TP73: variants seen among roughly 807,000 people sequenced by gnomAD.
The protein encoded by TP73 is p53-like transcription factor.
A neutral mutation model predicts 62.5 loss-of-function variants in TP73; 25 were observed. The ratio of observed to expected loss-of-function variants is 0.40; its 90% CI spans 0.29 to 0.56. The LOEUF is 0.56. Ranked by LOEUF, TP73 falls within the 20% of genes least tolerant of loss-of-function variation. The probability of loss-of-function intolerance (pLI) is 0.46; values close to 1 mark genes in which losing one functional copy is unlikely to be tolerated. For synonymous variants in TP73, 423 were observed against 377.5 expected (o/e 1.12, Z -1.40); for missense variants, 754 against 913.3 (o/e 0.83, Z 2.25).
intron 1 of TP73, among the ~76,000 whole-genome samples, chr1:3,673,617 G>A (rs1231252183): frequency 6.6e-6 from 1 of 152,208 alleles, no homozygotes; most frequent in Admixed American, 6.6e-5. Flanking sequence ...TGCGTGGGCA[G>A]AGCAGGAGAG....
At chr1:3,711,499 T>G (rs1640138132) in intron 4 of TP73, among the ~76,000 whole-genome samples, 1 of 152,258 alleles carries the variant, frequency 6.6e-6, no homozygotes, top group Non-Finnish European at 1.5e-5. Context: ...TCGGATGCTG[T>G]GACACCCCGG....
At chr1:3,686,026 G>A (rs748428981) in intron 3 of TP73, among the ~76,000 whole-genome samples, 38 of 152,198 alleles carry the variant, frequency 2.5e-4, no homozygotes, top group Non-Finnish European at 5.0e-4. Context: ...TGGCTCAGGT[G>A]GGGGGCCTGC....
intron 3 of TP73, among the ~76,000 whole-genome samples, chr1:3,692,211 G>A (rs1420835223): frequency 2.0e-5 from 3 of 152,130 alleles, no homozygotes; most frequent in African/African-American, 7.2e-5. Flanking sequence ...GTGTTGCGAT[G>A]GATACATGGA....
At position 3,683,193 on chromosome 1, in the gene TP73, G is replaced by C; in HGVS notation, c.186+13G>C. 6.3e-7 allele frequency: 1 copy of C among 1,587,968 alleles called. No individual in the cohort carries two copies. The highest frequency in any genetic ancestry group is 8.6e-7 in the Non-Finnish European group (1 of 1,163,932). ...TACATCTGTCATGGTGAGTGGGGGG[G>C]CTGCCCTCTGCAAGAGGACTGGAGT... is the stretch of plus-strand genomic sequence containing the variant. On this transcript the variant is annotated intron_variant, in intron 3 of 13. Transcript: ENST00000378295.
intron 5 of TP73, among the ~76,000 whole-genome samples, 177 bp downstream of exon 5, chr1:3,722,384 T>TG (rs199595901): frequency 0.016 from 2,512 of 152,254 alleles, 26 homozygotes; most frequent in Non-Finnish European, 0.023. Flanking sequence ...GAGTGGGACC[T>TG]GGGGGGGCCC....
At position 3,731,171 on chromosome 1, in the gene TP73, C is replaced by G; in HGVS notation, c.1484+106C>G. ...TGCCCCACCCTGTGTGCTCACCACTCGCAACCCTGGATCAGACAGGCGGGC... is the reference window on the plus strand; with the variant it reads ...TGCCCCACCCTGTGTGCTCACCACTGGCAACCCTGGATCAGACAGGCGGGC... On this transcript the variant is annotated intron_variant, in intron 12 of 13. Coordinates refer to ENST00000378295, the MANE Select transcript of TP73 (RefSeq NM_005427.4). The G allele has an allele frequency of 9.6e-6, 14 of 1,463,164 alleles. No homozygotes were observed. In the South Asian group the frequency reaches 1.8e-4, roughly 19 times the overall value. The allele number at this position is 1,463,164 out of a possible 1,614,324, so 90.6% of individuals were successfully genotyped here.
At chr1:3,694,862 G>A (rs1356475766) in intron 3 of TP73, among the ~76,000 whole-genome samples, 1 of 142,784 alleles carries the variant, frequency 7.0e-6, no homozygotes, top group African/African-American at 2.7e-5. Context: ...TCCCAGCCAT[G>A]CAGCCTCAGC....
At chr1:3,688,109 G>T (rs766791049) in intron 3 of TP73, among the ~76,000 whole-genome samples, 2 of 152,140 alleles carry the variant, frequency 1.3e-5, no homozygotes, top group African/African-American at 4.8e-5. Flanking sequence ...TGGAGGAAGG[G>T]TGGGGTCATG....
intron 3 of TP73, among the ~76,000 whole-genome samples, chr1:3,695,857 C>T (rs887028342): frequency 6.6e-6 from 1 of 152,202 alleles, no homozygotes; most frequent in African/African-American, 2.4e-5. Flanking sequence ...GGGAATGGGG[C>T]AGCCCCGCCG....
At chr1:3,705,679 G>T (rs1012013281) in intron 3 of TP73, among the ~76,000 whole-genome samples, 20 of 152,244 alleles carry the variant, frequency 1.3e-4, no homozygotes, top group African/African-American at 4.8e-4. Context: ...TGGCTCTGGT[G>T]AGCAGCAGTC....
chr1:3,666,052 A>T lies in TP73; in HGVS notation c.-34+13411A>T, dbSNP rs551899261. On this transcript the variant is annotated intron_variant, in intron 1 of 13. Transcript: ENST00000378295. This position sits in a 1 kb window ranked among gnomAD's most constrained non-coding sequence, Gnocchi z 6.4. ...CAGGAGAATCGCTTTTGAAGCCAGG[A>T]GGCGGAGTTTGTGGTGAGCTGAGAT... Among the ~76,000 whole-genome samples the T allele has an allele frequency of 1.6e-4, 22 of 137,820 alleles. No homozygotes were observed. The highest frequency in any genetic ancestry group is 5.8e-4 in the African/African-American group (21 of 36,494). The allele number at this position is 137,820 out of a possible 152,430, so 90.4% of individuals were successfully genotyped here.
chr1:3,709,215 C>T (rs1267644225), intron 4 of TP73, among the ~76,000 whole-genome samples: 1 of 152,180 alleles, frequency 6.6e-6, no homozygotes, highest in African/African-American at 2.4e-5. Context: ...CTGCTGGCTC[C>T]GGGCTAAGAG....
At chr1:3,728,621 C>T (rs1048257777) in intron 9 of TP73, among the ~76,000 whole-genome samples, 4 of 152,180 alleles carry the variant, frequency 2.6e-5, no homozygotes, top group African/African-American at 7.2e-5. Context: ...TGAATTAAAT[C>T]GGCACAGGCT....
At chr1:3,704,558 C>T (rs1006370623) in intron 3 of TP73, among the ~76,000 whole-genome samples, 11 of 152,232 alleles carry the variant, frequency 7.2e-5, no homozygotes, top group Admixed American at 6.5e-5. Flanking sequence ...GAGGCCTGGG[C>T]GCTGCTCCTG....
intron 3 of TP73, among the ~76,000 whole-genome samples, chr1:3,684,043 C>T (rs1480259113): frequency 2.0e-5 from 3 of 152,250 alleles, no homozygotes; most frequent in Non-Finnish European, 4.4e-5. Context: ...TGGTGGGGGC[C>T]ACGCTCCTGC....
At chr1:3,713,788 G>A (rs1640361102) in intron 4 of TP73, among the ~76,000 whole-genome samples, 6 of 152,198 alleles carry the variant, frequency 3.9e-5, no homozygotes, top group Admixed American at 2.6e-4. Context: ...GGCGGACAGC[G>A]TGAGGCTCAG....
chr1:3,658,436 G>A (rs749226638), intron 1 of TP73, among the ~76,000 whole-genome samples: 2 of 152,174 alleles, frequency 1.3e-5, no homozygotes, highest in Non-Finnish European at 2.9e-5. Flanking sequence ...GCAGATGTCC[G>A]TCCTCTGTGA....
chr1:3,653,726 C>T (rs145314526), intron 1 of TP73, among the ~76,000 whole-genome samples: 10 of 152,344 alleles, frequency 6.6e-5, no homozygotes, highest in Non-Finnish European at 1.0e-4. Flanking sequence ...GTAAACAAAG[C>T]GCGTGGCCTC....
chr1:3,688,497 G>T (rs1049868144), intron 3 of TP73, among the ~76,000 whole-genome samples: 1 of 152,162 alleles, frequency 6.6e-6, no homozygotes, highest in African/African-American at 2.4e-5. Context: ...CCTGTCCTGC[G>T]GCCCAGGGTC....
Sources: allele counts gnomAD v4.1 joint callset (sites outside exome capture counted in the v4.1 genomes callset), GRCh38; gene constraint gnomAD v4.1.1; non-coding constraint Gnocchi (gnomAD v3.1); transcripts MANE v1.5; gene names NCBI Gene and HGNC (gene_info 2026-07-23, HGNC 2026-07-21).